Variants in PDE1A observed in about 807,000 individuals in gnomAD.
The protein encoded by PDE1A is dual specificity calcium/calmodulin-dependent 3',5'-cyclic nucleotide phosphodiesterase 1A.
In PDE1A, 35 loss-of-function variants were observed where a neutral mutation model predicts 61.7. The ratio of observed to expected loss-of-function variants is 0.57; its 90% confidence interval spans 0.43 to 0.75. The LOEUF is 0.75. Ranked by LOEUF, PDE1A falls within the 30% of genes least tolerant of loss-of-function variation. PDE1A has a pLI of 0.00. For synonymous variants in PDE1A, 232 were observed against 213.2 expected (o/e 1.09, Z -0.77); for missense variants, 597 against 630.6 (o/e 0.95, Z 0.57).
At chr2:182,520,427 T>C (rs564925697) in intron 2 of PDE1A, among the ~76,000 whole-genome samples, 42 of 152,064 alleles carry the variant, frequency 2.8e-4, no homozygotes, top group African/African-American at 9.9e-4. Context: ...AATGATTATT[T>C]AGTGGCTCTA....
chr2:182,551,907 G>A, the PDE1A span, among the ~76,000 whole-genome samples: 278 of 152,192 alleles, frequency 1.8e-3, 2 homozygotes, highest in African/African-American at 6.1e-3. Flanking sequence ...CTTTCAAGAA[G>A]GGGGAGTTTA....
intron 1 of PDE1A, among the ~76,000 whole-genome samples, chr2:182,409,834 T>C (rs571338776): frequency 6.6e-6 from 1 of 152,318 alleles, no homozygotes; most frequent in African/African-American, 2.4e-5. Flanking sequence ...ATAAATTAAA[T>C]GTGATGTTTC....
the PDE1A span, among the ~76,000 whole-genome samples, chr2:182,601,082 T>C: frequency 1.6e-3 from 248 of 152,380 alleles, no homozygotes; most frequent in African/African-American, 5.7e-3. Flanking sequence ...GCCCACCTTT[T>C]GCTCAGGCCC....
In PDE1A at chr2:182,453,710, T is replaced by G. The variant is rs189811357; in HGVS notation, c.101+68566A>C. 8.6e-3 allele frequency among the ~76,000 whole-genome samples: 1,311 copies of G among 152,200 alleles called. 12 individuals carry two copies. The highest frequency in any genetic ancestry group is 0.015 in the Non-Finnish European group (988 of 68,008). ...GATGCAGAAAAGGCCTTTGACAAAA[T>G]TCAACAACCCTTCATGCTAAAAACT... On this transcript the variant is annotated intron_variant, in intron 2 of 14. Transcript: ENST00000410103.
At chr2:182,522,444 T>C in intron 1 of PDE1A, 3 of 1,605,962 alleles carry the variant, frequency 1.9e-6, no homozygotes, top group South Asian at 2.2e-5. Flanking sequence ...CCTCAGTCCA[T>C]TACAAATCTT....
intron 5 of PDE1A, 54 bp from the exon 6 acceptor site, chr2:182,230,200 C>A: frequency 7.2e-7 from 1 of 1,390,760 alleles, no homozygotes; most frequent in South Asian, 1.2e-5. Flanking sequence ...GGTACTAAAT[C>A]AACCTGAGCA....
At chr2:182,144,650 G>T (rs1158595194), downstream of PDE1A, among the ~76,000 whole-genome samples, 1 of 152,106 alleles carries the variant, frequency 6.6e-6, no homozygotes, top group African/African-American at 2.4e-5. Context: ...GACATGGCCA[G>T]GCTGCGATAA....
the PDE1A span, among the ~76,000 whole-genome samples, chr2:182,675,755 C>A: frequency 2.6e-5 from 4 of 152,178 alleles, no homozygotes; most frequent in South Asian, 8.3e-4. Flanking sequence ...TGCATGTCTT[C>A]TTCTGAGAAG....
chr2:182,591,509 G>C, the PDE1A span, among the ~76,000 whole-genome samples: 2 of 152,176 alleles, frequency 1.3e-5, no homozygotes, highest in African/African-American at 4.8e-5. Flanking sequence ...CTAGACCTGG[G>C]ATACCACCCT....
At chr2:182,329,931 A>G (rs1697294561) in intron 1 of PDE1A, among the ~76,000 whole-genome samples, 1 of 152,250 alleles carries the variant, frequency 6.6e-6, no homozygotes, top group Non-Finnish European at 1.5e-5. Context: ...CCCCACACTT[A>G]AAATGGTGTC....
intron 13 of PDE1A, among the ~76,000 whole-genome samples, chr2:182,173,777 G>A (rs1318384469): frequency 6.6e-6 from 1 of 151,874 alleles, no homozygotes; most frequent in Non-Finnish European, 1.5e-5. Flanking sequence ...TCAGTCCTGG[G>A]AACTTAGAAG....
chr2:182,346,777 A>G (rs1476270453), intron 1 of PDE1A, among the ~76,000 whole-genome samples: 2 of 152,130 alleles, frequency 1.3e-5, no homozygotes, highest in Non-Finnish European at 2.9e-5. Flanking sequence ...TCCTACTTCA[A>G]TATGAGAAAA....
the PDE1A span, among the ~76,000 whole-genome samples, chr2:182,658,067 A>AC: frequency 2.8e-5 from 3 of 107,960 alleles, no homozygotes; most frequent in East Asian, 5.4e-4. Flanking sequence ...AAAAAAAAAA[A>AC]AAAAACAAAA....
At chr2:182,545,145 G>A in the PDE1A span, among the ~76,000 whole-genome samples, 5 of 152,192 alleles carry the variant, frequency 3.3e-5, no homozygotes, top group African/African-American at 1.2e-4. Flanking sequence ...AGACACAAGT[G>A]TAAGAATAGC....
At chr2:182,299,548 C>A (rs906646345) in intron 1 of PDE1A, among the ~76,000 whole-genome samples, 1 of 150,086 alleles carries the variant, frequency 6.7e-6, no homozygotes, top group Non-Finnish European at 1.5e-5. Context: ...TCCCAATTAA[C>A]TCACCATTCT....
chr2:182,661,746 T>C, the PDE1A span, among the ~76,000 whole-genome samples: 2 of 152,164 alleles, frequency 1.3e-5, no homozygotes, highest in Non-Finnish European at 2.9e-5. Flanking sequence ...AATATATTCC[T>C]AAACTAGCAA....
At chr2:182,532,034 C>A in the PDE1A span, among the ~76,000 whole-genome samples, 2 of 152,080 alleles carry the variant, frequency 1.3e-5, no homozygotes, top group African/African-American at 4.8e-5. Flanking sequence ...TGAACTCATT[C>A]TTTTTTGTGG....
intron 1 of PDE1A, among the ~76,000 whole-genome samples, chr2:182,408,090 C>T (rs1249635014): frequency 1.3e-5 from 2 of 151,818 alleles, no homozygotes; most frequent in Non-Finnish European, 2.9e-5. Flanking sequence ...GGAGATCTTA[C>T]CCCACTGCCC....
At chr2:182,325,814 G>A (rs1387907127) in intron 1 of PDE1A, among the ~76,000 whole-genome samples, 1 of 152,102 alleles carries the variant, frequency 6.6e-6, no homozygotes, top group African/African-American at 2.4e-5. Flanking sequence ...AGCTACTCAG[G>A]AGGCTGAAGC....
Sources: allele counts gnomAD v4.1 joint callset (sites outside exome capture counted in the v4.1 genomes callset), GRCh38; gene constraint gnomAD v4.1.1; transcripts MANE v1.5; gene names NCBI Gene and HGNC (gene_info 2026-07-23, HGNC 2026-07-21).